The following DLG2 variants were observed in gnomAD, a reference collection of about 807,000 sequenced individuals.
DLG2 encodes the protein disks large homolog 2.
A neutral mutation model predicts 132.5 loss-of-function variants in DLG2; 45 were observed. The ratio of observed to expected loss-of-function variants is 0.34; its 90% CI spans 0.27 to 0.44. The LOEUF (loss-of-function observed/expected upper bound fraction) is 0.44. DLG2 is among the 20% of genes least tolerant of loss of function. The pLI, the probability that DLG2 is intolerant of heterozygous loss-of-function variation, is 1.00. For synonymous variants in DLG2, 424 were observed against 419.6 expected (o/e 1.01, Z -0.13); for missense variants, 1,045 against 1,196.9 (o/e 0.87, Z 1.87).
chr11:83,651,932 T>G (rs1269481214), intron 18 of DLG2: 36 of 469,798 alleles, frequency 7.7e-5, no homozygotes, highest in South Asian at 5.6e-4. Context: ...TATCGGCACC[T>G]TTGCAGAAAG....
At chr11:84,200,511 G>A (rs184715957) in intron 8 of DLG2, among the ~76,000 whole-genome samples, 70 of 152,136 alleles carry the variant, frequency 4.6e-4, no homozygotes, top group African/African-American at 1.6e-3. Flanking sequence ...ATTGAAAGAT[G>A]TTTAATTTTA....
At chr11:83,910,981 C>T (rs1469016419) in intron 15 of DLG2, among the ~76,000 whole-genome samples, 2 of 151,884 alleles carry the variant, frequency 1.3e-5, no homozygotes, top group Non-Finnish European at 2.9e-5. Flanking sequence ...AATGATTTGC[C>T]GATTACACAA....
chr11:84,925,208 GGA>G (rs796185969), intron 6 of DLG2, among the ~76,000 whole-genome samples: 10 of 152,142 alleles, frequency 6.6e-5, no homozygotes, highest in African/African-American at 2.4e-4. Flanking sequence ...GGATGGCCCA[GGA>G]GAGAGAGACC....
chr11:83,543,145 A>G (rs1297707141), intron 19 of DLG2, among the ~76,000 whole-genome samples: 1 of 152,100 alleles, frequency 6.6e-6, no homozygotes, highest in Non-Finnish European at 1.5e-5. Flanking sequence ...TTTCATTAAC[A>G]CTGTCTCCCA....
chr11:84,169,688 C>T (rs2095769023), intron 8 of DLG2, among the ~76,000 whole-genome samples: 1 of 55,338 alleles, frequency 1.8e-5, no homozygotes, highest in Non-Finnish European at 5.0e-5. Flanking sequence ...GTATAGCCAA[C>T]ATGATAAAAC....
intron 4 of DLG2, among the ~76,000 whole-genome samples, chr11:85,232,973 C>T (rs2075379837): frequency 6.6e-6 from 1 of 152,006 alleles, no homozygotes; most frequent in East Asian, 1.9e-4. Context: ...GTTTGAAGAT[C>T]TTGCTTCTGT....
chr11:83,584,013 C>A (rs2097032695), intron 19 of DLG2, among the ~76,000 whole-genome samples: 2 of 152,108 alleles, frequency 1.3e-5, no homozygotes, highest in African/African-American at 4.8e-5. Flanking sequence ...AAAGTGTATC[C>A]AATGAAAGGC....
chr11:84,847,250 T>A (rs2081589287), intron 6 of DLG2, among the ~76,000 whole-genome samples: 1 of 152,126 alleles, frequency 6.6e-6, no homozygotes. Context: ...TGGTTAATGA[T>A]GACTGGAAGA....
chr11:84,520,869 T>G (rs1037494049), intron 7 of DLG2, among the ~76,000 whole-genome samples: 9 of 152,142 alleles, frequency 5.9e-5, no homozygotes, highest in Non-Finnish European at 8.8e-5. Flanking sequence ...AGTATATAAA[T>G]GTGGAAATTA....
chr11:84,844,081 GTGTGTA>G (rs1458047064), intron 6 of DLG2, among the ~76,000 whole-genome samples: 3 of 83,376 alleles, frequency 3.6e-5, no homozygotes, highest in African/African-American at 1.2e-4. Context: ...GTGTGTGTGT[GTGTGTA>G]TATATATATA....
At chr11:84,899,275 T>A (rs2090590095) in intron 6 of DLG2, among the ~76,000 whole-genome samples, 1 of 152,096 alleles carries the variant, frequency 6.6e-6, no homozygotes, top group African/African-American at 2.4e-5. Flanking sequence ...TGAGGAAGGT[T>A]TGCTGAAGGC....
intron 3 of DLG2, among the ~76,000 whole-genome samples, chr11:85,424,823 C>T (rs532954169): frequency 2.6e-5 from 4 of 152,118 alleles, no homozygotes; most frequent in Non-Finnish European, 5.9e-5. Context: ...CAGCCCTCCA[C>T]AAATCAAGAA....
At chr11:85,274,824 C>T (rs568239301) in intron 4 of DLG2, among the ~76,000 whole-genome samples, 2 of 152,204 alleles carry the variant, frequency 1.3e-5, no homozygotes, top group East Asian at 3.9e-4. Flanking sequence ...GTTCTTGTAC[C>T]ATACCCAGAA....
At chr11:84,533,546 T>C (rs1041520662) in intron 7 of DLG2, among the ~76,000 whole-genome samples, 1 of 152,218 alleles carries the variant, frequency 6.6e-6, no homozygotes. Flanking sequence ...CTAATACATT[T>C]TTAGCATACC....
chr11:84,406,395 T>G (rs570298497), intron 7 of DLG2, among the ~76,000 whole-genome samples: 2 of 152,198 alleles, frequency 1.3e-5, no homozygotes, highest in African/African-American at 2.4e-5. Context: ...CAGGGCTCAC[T>G]GCAGCCTTGA....
At chr11:84,186,182 C>T (rs2096272738) in intron 8 of DLG2, among the ~76,000 whole-genome samples, 1 of 152,062 alleles carries the variant, frequency 6.6e-6, no homozygotes, top group Admixed American at 6.6e-5. Context: ...ATTTGTTGAG[C>T]TTTTCAAATG....
chr11:83,469,154 C>A, intron 25 of DLG2, 47 bp downstream of exon 25: 16 of 1,414,548 alleles, frequency 1.1e-5, no homozygotes, highest in Admixed American at 5.1e-5. Flanking sequence ...CAGTTTGCAA[C>A]CTAGAAACCT....
intron 3 of DLG2, among the ~76,000 whole-genome samples, chr11:85,416,459 T>A (rs977627494): frequency 6.6e-6 from 1 of 151,218 alleles, no homozygotes; most frequent in African/African-American, 2.4e-5. Context: ...TTTAAAGAAG[T>A]TTTTTTTAAT....
rs887269100 is a variant in DLG2 at position 84,405,741 on chromosome 11, G to A, written c.519+128829C>T. 4.6e-5 allele frequency among the ~76,000 whole-genome samples: 7 copies of A among 152,256 alleles called. No individual in the cohort carries two copies. In the East Asian group the frequency reaches 1.2e-3, roughly 25 times the overall value. ...AGGGGGAAAAAAAGCTAAAGAAGGGGACTAGGAATGTGGTGGGAATGTTAC... is the reference window on the plus strand; with the variant it reads ...AGGGGGAAAAAAAGCTAAAGAAGGGAACTAGGAATGTGGTGGGAATGTTAC... On this transcript the variant is annotated intron_variant, in intron 7 of 27. Transcript: ENST00000376104.
Sources: allele counts gnomAD v4.1 joint callset (sites outside exome capture counted in the v4.1 genomes callset), GRCh38; gene constraint gnomAD v4.1.1; transcripts MANE v1.5; gene names NCBI Gene and HGNC (gene_info 2026-07-23, HGNC 2026-07-21).